The following MED16 variants were observed in gnomAD, a reference collection of about 807,000 sequenced individuals.
The protein encoded by MED16 is mediator of RNA polymerase II transcription subunit 16.
MED16 carries 81 observed loss-of-function variants against 84.4 expected under a neutral mutation model. That is an observed-to-expected ratio of 0.96 (90% CI 0.80 to 1.15). MED16 has a LOEUF of 1.15. MED16 is among the 50% of genes most tolerant of loss of function. The pLI, the probability that MED16 is intolerant of heterozygous loss-of-function variation, is 0.00. For missense variants in MED16, 1,585 were observed against 1,245.9 expected, an observed-to-expected ratio of 1.27 and a Z score of -4.10; for synonymous variants, 897 against 552.2, an observed-to-expected ratio of 1.62 and a Z score of -8.76.
chr19:885,125 A>ACG, intron 5 of MED16, 117 bp from the exon 6 acceptor site: 1 of 727,162 alleles, frequency 1.4e-6, no homozygotes. Context: ...CTCTTCAGCC[A>ACG]CGCCTGCCCC....
At chr19:870,334 G>T (rs757029978) in intron 13 of MED16, among the ~76,000 whole-genome samples, 1 of 152,130 alleles carries the variant, frequency 6.6e-6, no homozygotes, top group Non-Finnish European at 1.5e-5. Context: ...GGCGAGGCAG[G>T]TGGATCACCT....
chr19:874,238 C>CG (rs2036174601), intron 10 of MED16, among the ~76,000 whole-genome samples: 1 of 152,102 alleles, frequency 6.6e-6, no homozygotes. Flanking sequence ...CTCAGCCTCC[C>CG]GAGTAGCTGG....
intron 3 of MED16, 28 bp from the exon 4 acceptor site, chr19:889,835 C>G: frequency 6.3e-7 from 1 of 1,593,566 alleles, no homozygotes; most frequent in Non-Finnish European, 8.5e-7. Context: ...TCATTGCGAA[C>G]CTTCCAGGGA....
intron 4 of MED16, among the ~76,000 whole-genome samples, chr19:887,934 G>A (rs1436687078): frequency 6.6e-6 from 1 of 152,030 alleles, no homozygotes; most frequent in African/African-American, 2.4e-5. Flanking sequence ...TGGGCACAGT[G>A]ACTCACGCCT....
chr19:871,133 C>G lies in MED16; in HGVS notation c.2219G>C (p.Ser740Thr). 1 of 1,548,438 alleles carries G rather than the reference C, an allele frequency of 6.5e-7. No individual in the cohort carries two copies. Among genetic ancestry groups the G allele is most frequent in the Non-Finnish European group, 8.7e-7 (1 of 1,145,778 alleles). The stretch of plus-strand genomic sequence containing the variant: ...AAGGGGCTGCTTGGGCTGCAGGCGG[C>G]TAACCAGGCCGTCGCTGGCTGGCAG... The part of the protein sequence containing the change: ...DWLPASDGLV[S>T]RLQPKQPLRL... The change falls in exon 13 of 16, where the codon AGC becomes ACC. Residue 740 changes from serine to threonine, a missense_variant. By Grantham distance (58) the Ser-to-Thr change is moderately conservative. Coordinates refer to ENST00000325464, the MANE Select transcript of MED16 (RefSeq NM_005481.3).
chr19:885,238 A>G (rs527571737), intron 5 of MED16, among the ~76,000 whole-genome samples: 7 of 152,290 alleles, frequency 4.6e-5, no homozygotes, highest in African/African-American at 1.2e-4. Context: ...GGGACAGCAA[A>G]GGGACACAGG....
chr19:870,220 G>A (rs1182057819), intron 13 of MED16, among the ~76,000 whole-genome samples: 1 of 152,164 alleles, frequency 6.6e-6, no homozygotes, highest in Non-Finnish European at 1.5e-5. Flanking sequence ...TAAGGGCAGA[G>A]GCTAAGGCAG....
chr19:875,459 G>A lies in MED16; in HGVS notation c.1561-5C>T, dbSNP rs769652887. 1.3e-6 allele frequency: 2 copies of A among 1,596,974 alleles called. No individual in the cohort carries two copies. Among genetic ancestry groups the A allele is most frequent in the Non-Finnish European group, 1.7e-6 (2 of 1,178,318 alleles). On this transcript the variant is annotated splice_polypyrimidine_tract_variant and splice_region_variant and intron_variant, in intron 9 of 15. Coordinates refer to ENST00000325464, the MANE Select transcript of MED16 (RefSeq NM_005481.3). ...CAGGATCCGGGTGGAGAGGACCTGA[G>A]GGCAGGAAGCCAGGTCACCCCAAGG...
intron 7 of MED16, among the ~76,000 whole-genome samples, chr19:880,559 C>T (rs570836872): frequency 3.3e-5 from 5 of 151,038 alleles, no homozygotes; most frequent in Non-Finnish European, 7.4e-5. Flanking sequence ...GTACGAGGGC[C>T]GGGGGGAGGT....
rs371405209 is a variant in MED16 at position 877,315 on chromosome 19, C to T, written c.1354-135G>A. The T allele has an allele frequency of 4.9e-5, 38 of 780,788 alleles. No individual in the cohort carries two copies. In the Middle Eastern group the frequency reaches 1.5e-3, roughly 31 times the overall value. The allele number at this position is 780,788 out of a possible 1,614,324, so 48.4% of individuals were successfully genotyped here. On this transcript the variant is annotated intron_variant, in intron 8 of 15. Transcript: ENST00000325464. Reference sequence around the variant, plus strand: ...ACGCCCGTGTGTGGGCCTGTGTGCGCGCATGTGTCTGTAGCGTCTGTACCT... The same window carrying T: ...ACGCCCGTGTGTGGGCCTGTGTGCGTGCATGTGTCTGTAGCGTCTGTACCT...
chr19:883,308 G>A (rs1194092545), intron 6 of MED16, among the ~76,000 whole-genome samples: 5 of 148,486 alleles, frequency 3.4e-5, no homozygotes, highest in African/African-American at 5.1e-5. Flanking sequence ...TGGTGGGCAC[G>A]TGGGGCGGTG....
At position 872,097 on chromosome 19, in the gene MED16, G is replaced by C; in HGVS notation, c.1927C>G (p.His643Asp). 1.2e-6 allele frequency: 2 copies of C among 1,607,088 alleles called. No homozygotes were observed. The highest frequency in any genetic ancestry group is 1.1e-5 in the South Asian group (1 of 90,622). The change falls in exon 12 of 16, where the codon CAC becomes GAC. Residue 643 changes from histidine to aspartate, a missense_variant. By Grantham distance (81) the His-to-Asp change is moderately conservative. Transcript: ENST00000325464. ...PNQGSLLRPG[H>D]SFLRDGTSLG... ...GAGGTGCCGTCCCGCAGAAAGCTGTGGCCCGGCCTCAGCAGGGAACCCTGC... is the reference window on the plus strand; with the variant it reads ...GAGGTGCCGTCCCGCAGAAAGCTGTCGCCCGGCCTCAGCAGGGAACCCTGC...
Position 890,162 on chromosome 19 carries a change from G to C in MED16, c.252C>G (p.Ile84Met), listed in dbSNP as rs746603108. Residue 84 changes from isoleucine to methionine, a missense_variant, in exon 3 of 16, where the codon ATC (isoleucine) becomes ATG (methionine). Transcript: ENST00000325464. Reference sequence around the variant, plus strand: ...CTGACTGGTCCCACTCCAGGCAGGTGATGGCCTCGTGGTGCTCTGAGGGGA... The same window carrying C: ...CTGACTGGTCCCACTCCAGGCAGGTCATGGCCTCGTGGTGCTCTGAGGGGA... The part of the protein sequence containing the change: ...HSIPSEHHEA[I>M]TCLEWDQSGS... 1 of 1,551,222 alleles carries C rather than the reference G, an allele frequency of 6.4e-7. No individual in the cohort carries two copies. The highest frequency in any genetic ancestry group is 1.4e-5 in the African/African-American group (1 of 73,106).
intron 9 of MED16, 85 bp downstream of exon 9, chr19:876,889 G>C: frequency 2.2e-6 from 3 of 1,391,666 alleles, no homozygotes; most frequent in Non-Finnish European, 2.9e-6. Flanking sequence ...GCCCCCACCT[G>C]CCACGGGGCC....
intron 4 of MED16, among the ~76,000 whole-genome samples, chr19:886,428 G>A (rs889460170): frequency 5.3e-5 from 8 of 152,368 alleles, no homozygotes; most frequent in African/African-American, 1.4e-4. Context: ...AGAGGACAGT[G>A]GGGAGGATTA....
chr19:872,788 G>T, intron 11 of MED16: 1 of 201,496 alleles, frequency 5.0e-6, no homozygotes, highest in Non-Finnish European at 9.4e-6. Flanking sequence ...AAGGGGTGGG[G>T]GCAGCAGCAG....
intron 11 of MED16, among the ~76,000 whole-genome samples, chr19:872,691 G>A (rs1377272657): frequency 1.3e-5 from 2 of 151,802 alleles, no homozygotes; most frequent in East Asian, 2.0e-4. Context: ...GGTCAGGGGC[G>A]CACAAGCCGC....
intron 3 of MED16, 60 bp downstream of exon 3, chr19:890,077 G>A (rs933776216): frequency 1.5e-6 from 2 of 1,318,612 alleles, no homozygotes; most frequent in Non-Finnish European, 2.1e-6. Flanking sequence ...GAGAAACACA[G>A]GGCCCCCCTG....
rs923520000 is a variant in MED16 at position 890,382 on chromosome 19, A to C, written c.170-138T>G. On this transcript the variant is annotated intron_variant, in intron 2 of 15. Coordinates refer to ENST00000325464, the MANE Select transcript of MED16 (RefSeq NM_005481.3). ...CAGAACTGCTGTCAGCCGAGTCGAC[A>C]GCTCAGGGAACAGGCTGTCCCCCCG... The C allele has an allele frequency of 1.7e-5, 10 of 597,398 alleles. No homozygotes were observed. In the Admixed American group the frequency reaches 2.0e-4, roughly 12 times the overall value. The allele number at this position is 597,398 out of a possible 1,614,324, so 37.0% of individuals were successfully genotyped here. A position where few individuals can be genotyped will look rare whatever the true frequency, so the allele number is the denominator to read the frequency against.
Sources: allele counts gnomAD v4.1 joint callset (sites outside exome capture counted in the v4.1 genomes callset), GRCh38; gene constraint gnomAD v4.1.1; transcripts MANE v1.5; gene names NCBI Gene and HGNC (gene_info 2026-07-23, HGNC 2026-07-21).